The following DZIP3 variants were observed in gnomAD, a reference collection of about 807,000 sequenced individuals.
The protein encoded by DZIP3 is DAZ interacting zinc finger protein 3.
A neutral mutation model predicts 162.0 loss-of-function variants in DZIP3; 118 were observed. That is an observed-to-expected ratio of 0.73 (90% CI 0.63 to 0.85). The LOEUF (loss-of-function observed/expected upper bound fraction) is 0.85. Among genes scored for constraint, DZIP3 ranks in the 40% least tolerant of loss-of-function variants. The pLI, the probability that DZIP3 is intolerant of heterozygous loss-of-function variation, is 0.00. For missense variants in DZIP3, 1,331 were observed against 1,407.0 expected (o/e 0.95, Z 0.86); for synonymous variants, 438 against 458.6 (o/e 0.96, Z 0.57).
At chr3:108,658,696 C>G (rs1343807801) in intron 19 of DZIP3, among the ~76,000 whole-genome samples, 1 of 152,036 alleles carries the variant, frequency 6.6e-6, no homozygotes, top group East Asian at 1.9e-4. Flanking sequence ...ATCAATGAAT[C>G]CAGGAGCTGG....
intron 18 of DZIP3, among the ~76,000 whole-genome samples, chr3:108,653,764 A>G (rs1046177127): frequency 6.6e-6 from 1 of 151,954 alleles, no homozygotes; most frequent in Non-Finnish European, 1.5e-5. Context: ...GGGGGAACAA[A>G]GAATGTTATG....
In DZIP3 at chr3:108,690,772, CTT is replaced by C; in HGVS notation, c.3517-11_3517-10del. ...CTACATCTGAGAGACTGACATAAATCTTTTTGCTCCTTAGTGCATTAGACCAT... is the reference window on the plus strand; with the variant it reads ...CTACATCTGAGAGACTGACATAAATCTTTGCTCCTTAGTGCATTAGACCAT... On this transcript the variant is annotated splice_polypyrimidine_tract_variant and intron_variant, in intron 31 of 32. Coordinates refer to ENST00000361582, the MANE Select transcript of DZIP3 (RefSeq NM_014648.4). The C allele has an allele frequency of 1.2e-6, 2 of 1,611,542 alleles. No individual in the cohort carries two copies. Among genetic ancestry groups the C allele is most frequent in the African/African-American group, 2.7e-5 (2 of 74,976 alleles).
intron 14 of DZIP3, among the ~76,000 whole-genome samples, chr3:108,645,682 C>T (rs774314178): frequency 1.3e-5 from 2 of 152,156 alleles, no homozygotes; most frequent in Non-Finnish European, 2.9e-5. Flanking sequence ...TATAAACATA[C>T]AACTGTAAAA....
At chr3:108,606,209 C>G (rs1940363878) in intron 2 of DZIP3, among the ~76,000 whole-genome samples, 1 of 152,276 alleles carries the variant, frequency 6.6e-6, no homozygotes, top group East Asian at 1.9e-4. Context: ...ATGCAGAAGA[C>G]CCTGCTGAGT....
intron 31 of DZIP3, 71 bp from the exon 32 acceptor site, chr3:108,690,716 G>A (rs1321997875): frequency 2.2e-6 from 3 of 1,381,712 alleles, no homozygotes; most frequent in Non-Finnish European, 3.1e-6. Context: ...TGGTAACCCT[G>A]ATGCATAGAG....
intron 26 of DZIP3, among the ~76,000 whole-genome samples, chr3:108,683,092 T>A (rs1238832486): frequency 6.6e-6 from 1 of 150,700 alleles, no homozygotes; most frequent in Admixed American, 6.6e-5. Context: ...AGCCTTGTTT[T>A]ATGTCATTCC....
At position 108,616,580 on chromosome 3, in the gene DZIP3, G is replaced by T; in HGVS notation, c.298G>T (p.Val100Phe). 6.2e-7 allele frequency: 1 copy of T among 1,610,166 alleles called. No homozygotes were observed. Among genetic ancestry groups the T allele is most frequent in the South Asian group, 1.1e-5 (1 of 90,526 alleles). ...TAACAGCCAGAATGGTGAGGAAATT[G>T]TTCCTGCTTTGACTTTACGTTTCTT... Reference protein sequence around the residue: ...AANSQNGEEIVPALTLRFLIT... With the variant: ...AANSQNGEEIFPALTLRFLIT... Residue 100 changes from valine to phenylalanine, a missense_variant, in exon 5 of 33, where the codon GTT becomes TTT. By Grantham distance (50) the Val-to-Phe change is conservative. Coordinates refer to ENST00000361582, the MANE Select transcript of DZIP3 (RefSeq NM_014648.4).
chr3:108,681,749 C>T (rs575127553), intron 26 of DZIP3, among the ~76,000 whole-genome samples: 2 of 151,310 alleles, frequency 1.3e-5, no homozygotes, highest in East Asian at 3.9e-4. Flanking sequence ...ACTCTGCCGC[C>T]ATAAAAAAGG....
intron 5 of DZIP3, among the ~76,000 whole-genome samples, chr3:108,620,568 G>T (rs1941278500): frequency 1.3e-5 from 2 of 152,142 alleles, no homozygotes; most frequent in Non-Finnish European, 2.9e-5. Flanking sequence ...CAAGATAAAA[G>T]AACTATTCCA....
At chr3:108,672,533 C>A (rs376867228) in intron 22 of DZIP3, 27 bp from the exon 23 acceptor site, 5 of 1,567,342 alleles carry the variant, frequency 3.2e-6, no homozygotes, top group South Asian at 1.1e-5. Context: ...TGTAATATTG[C>A]GAGTCTTTAA....
chr3:108,643,665 T>G (rs1318012069), intron 13 of DZIP3, among the ~76,000 whole-genome samples: 1 of 151,640 alleles, frequency 6.6e-6, no homozygotes, highest in African/African-American at 2.4e-5. Flanking sequence ...AAAATTAAAT[T>G]TAAAATTCAG....
At position 108,684,333 on chromosome 3, in the gene DZIP3, G is replaced by T; in HGVS notation, c.3001G>T (p.Ala1001Ser). Residue 1001 changes from alanine to serine, a missense_variant, in exon 27 of 33, where the codon GCC becomes TCC. Transcript: ENST00000361582. ...CGTCTCTGCAACTGGCCAACCTAGA[G>T]CCCCCCTGGTAAAAGCTTTCTTGGT... ...GVVSATGQPR[A>S]PLMTGIAWAL... 2 of 1,610,284 alleles carry T rather than the reference G, an allele frequency of 1.2e-6. No homozygotes were observed. The highest frequency in any genetic ancestry group is 2.2e-5 in the East Asian group (1 of 44,720).
chr3:108,604,159 CT>C (rs1336950272), intron 1 of DZIP3, among the ~76,000 whole-genome samples: 2 of 152,154 alleles, frequency 1.3e-5, no homozygotes, highest in African/African-American at 4.8e-5. Flanking sequence ...CTGTACCAAT[CT>C]AATTTATGGA....
intron 19 of DZIP3, among the ~76,000 whole-genome samples, chr3:108,661,389 A>G (rs1943424346): frequency 6.6e-6 from 1 of 152,168 alleles, no homozygotes; most frequent in African/African-American, 2.4e-5. Flanking sequence ...GCAAGGACAA[A>G]AAACGAAACA....
In DZIP3 at chr3:108,661,904, T is replaced by C. The variant is rs375678393; in HGVS notation, c.2227T>C (p.Tyr743His). ...QGSAGKVTTDYGETEKERLAR... is the reference protein window; with the variant it reads ...QGSAGKVTTDHGETEKERLAR... Reference sequence around the variant, plus strand: ...CTCAGCTGGCAAAGTAACTACAGACTATGGAGAAACTGAAAAGGAAAGGCT... The same window carrying C: ...CTCAGCTGGCAAAGTAACTACAGACCATGGAGAAACTGAAAAGGAAAGGCT... Residue 743 changes from tyrosine (Y) to histidine (H), a missense_variant, in exon 20 of 33, where the codon TAT becomes CAT. Transcript: ENST00000361582. The C allele has an allele frequency of 1.9e-6, 3 of 1,613,812 alleles. No homozygotes were observed. In the African/African-American group the frequency reaches 4.0e-5, roughly 22 times the overall value.
At chr3:108,621,123 A>G (rs1941313259) in intron 5 of DZIP3, among the ~76,000 whole-genome samples, 1 of 151,942 alleles carries the variant, frequency 6.6e-6, no homozygotes, top group Admixed American at 6.6e-5. Context: ...ACCCAGCCAG[A>G]TCATTGTATT....
At chr3:108,659,774 A>G (rs1347535026) in intron 19 of DZIP3, among the ~76,000 whole-genome samples, 8 of 152,248 alleles carry the variant, frequency 5.3e-5, no homozygotes, top group African/African-American at 1.7e-4. Context: ...TAAGCTGATA[A>G]GCAACTTCAG....
intron 21 of DZIP3, among the ~76,000 whole-genome samples, chr3:108,666,455 C>G (rs1480435181): frequency 6.6e-6 from 1 of 152,014 alleles, no homozygotes; most frequent in Admixed American, 6.6e-5. Context: ...TTGAACACTT[C>G]AAACTCCACT....
chr3:108,630,179 C>T (rs1396173831), intron 8 of DZIP3, among the ~76,000 whole-genome samples: 2 of 152,000 alleles, frequency 1.3e-5, no homozygotes, highest in Non-Finnish European at 2.9e-5. Context: ...TAATTATTAA[C>T]CCATCTGATA....
Sources: gnomAD v4.1 joint callset for allele counts (sites outside exome capture counted in the v4.1 genomes callset) on GRCh38, gnomAD v4.1.1 for gene constraint, MANE v1.5 for transcripts, NCBI Gene and HGNC (gene_info 2026-07-23, HGNC 2026-07-21) for gene names.